FGGY: variants seen among roughly 807,000 people sequenced by gnomAD.
FGGY encodes the protein FGGY carbohydrate kinase domain containing.
In FGGY, 72 loss-of-function variants were observed where a neutral mutation model predicts 71.3. The observed-to-expected ratio is 1.01, with a 90% CI of 0.84 to 1.23. The LOEUF (loss-of-function observed/expected upper bound fraction) is 1.23, where lower values mean the gene tolerates loss of function less well. FGGY is among the 50% of genes most tolerant of loss of function. The pLI is 0.00. For synonymous variants in FGGY, 251 were observed against 250.3 expected (o/e 1.00, Z -0.02); for missense variants, 668 against 682.3 (o/e 0.98, Z 0.23).
chr1:59,597,788 T>A (rs2096538415), intron 8 of FGGY, among the ~76,000 whole-genome samples: 1 of 152,210 alleles, frequency 6.6e-6, no homozygotes, highest in Non-Finnish European at 1.5e-5. Context: ...TTAACGGAAC[T>A]CTAAAGTCTG....
At chr1:59,578,940 G>A (rs372138221) in intron 8 of FGGY, among the ~76,000 whole-genome samples, 4 of 151,944 alleles carry the variant, frequency 2.6e-5, no homozygotes, top group African/African-American at 7.3e-5. Context: ...CTTATATTTC[G>A]CCCTCCTGTT....
intron 12 of FGGY, among the ~76,000 whole-genome samples, chr1:59,661,229 C>T (rs896117806): frequency 6.6e-6 from 1 of 152,190 alleles, no homozygotes; most frequent in African/African-American, 2.4e-5. Context: ...TTCCTTTAAA[C>T]TATATGTATA....
At chr1:59,545,046 C>A (rs983302518) in intron 7 of FGGY, among the ~76,000 whole-genome samples, 34 of 152,192 alleles carry the variant, frequency 2.2e-4, no homozygotes, top group African/African-American at 8.2e-4. Context: ...GCTGGGGCTC[C>A]TTCCTTCTGT....
chr1:59,593,075 G>A (rs1283777205), intron 8 of FGGY, among the ~76,000 whole-genome samples: 1 of 152,354 alleles, frequency 6.6e-6, no homozygotes, highest in African/African-American at 2.4e-5. Flanking sequence ...CTGATCTAGA[G>A]CCCAGTAGCT....
chr1:59,609,346 T>G (rs2096653160), intron 9 of FGGY, among the ~76,000 whole-genome samples: 1 of 152,192 alleles, frequency 6.6e-6, no homozygotes, highest in South Asian at 2.1e-4. Context: ...TAGAAGAGTA[T>G]GTGGACATGT....
intron 5 of FGGY, among the ~76,000 whole-genome samples, chr1:59,406,225 C>CTTTTTTTTTTTTTTTTTTT (rs2062725108): frequency 8.3e-6 from 1 of 119,780 alleles, no homozygotes; most frequent in Admixed American, 8.9e-5. Flanking sequence ...CGCAGAAATG[C>CTTTTTTTTTTTTTTTTTTT]TCAGAGAGGA....
intron 7 of FGGY, among the ~76,000 whole-genome samples, chr1:59,523,578 A>G (rs1025635479): frequency 2.6e-5 from 4 of 152,222 alleles, no homozygotes; most frequent in Non-Finnish European, 5.9e-5. Flanking sequence ...CTCTGTAGCT[A>G]GTATAGATAT....
intron 8 of FGGY, among the ~76,000 whole-genome samples, chr1:59,584,594 C>T (rs1409930185): frequency 1.3e-4 from 20 of 149,948 alleles, no homozygotes; most frequent in Non-Finnish European, 2.4e-4. Flanking sequence ...GAAGCATTCC[C>T]TTTGAAAACT....
chr1:59,560,372 A>T (rs2095766891), intron 8 of FGGY, among the ~76,000 whole-genome samples: 1 of 145,868 alleles, frequency 6.9e-6, no homozygotes, highest in South Asian at 2.2e-4. Flanking sequence ...GTAATATGGT[A>T]TCCTGGATGG....
At chr1:59,582,307 T>A (rs1157097898) in intron 8 of FGGY, among the ~76,000 whole-genome samples, 4 of 149,998 alleles carry the variant, frequency 2.7e-5, no homozygotes, top group Non-Finnish European at 5.9e-5. Flanking sequence ...AAAAATTGAG[T>A]CCCAGAAGGG....
intron 7 of FGGY, among the ~76,000 whole-genome samples, chr1:59,538,389 G>T (rs2095373196): frequency 6.6e-6 from 1 of 151,974 alleles, no homozygotes; most frequent in Non-Finnish European, 1.5e-5. Context: ...CTTTTACACT[G>T]TTGGTGGGAC....
chr1:59,673,377 G>T (rs1368189723), intron 13 of FGGY, among the ~76,000 whole-genome samples: 1 of 152,006 alleles, frequency 6.6e-6, no homozygotes, highest in Non-Finnish European at 1.5e-5. Context: ...ATGGGTAAGG[G>T]CCCCGAGGCA....
intron 14 of FGGY, among the ~76,000 whole-genome samples, chr1:59,753,570 T>C (rs1317414693): frequency 7.0e-6 from 1 of 143,598 alleles, no homozygotes; most frequent in Non-Finnish European, 1.5e-5. Flanking sequence ...GTAGAAAATT[T>C]AGAAAACACA....
At chr1:59,397,801 G>A (rs528713812) in intron 5 of FGGY, among the ~76,000 whole-genome samples, 2 of 152,166 alleles carry the variant, frequency 1.3e-5, no homozygotes, top group Non-Finnish European at 2.9e-5. Context: ...CCTTGCCTTT[G>A]CTCATTCACA....
At chr1:59,696,250 T>A (rs1328549156) in intron 14 of FGGY, among the ~76,000 whole-genome samples, 1 of 152,244 alleles carries the variant, frequency 6.6e-6, no homozygotes. Context: ...ACGTCCTGGT[T>A]TATAGACACC....
At chr1:59,629,269 A>G (rs1376098452) in intron 10 of FGGY, among the ~76,000 whole-genome samples, 1 of 152,216 alleles carries the variant, frequency 6.6e-6, no homozygotes, top group Non-Finnish European at 1.5e-5. Flanking sequence ...TATATTAGAC[A>G]TTTCCATTCT....
intron 11 of FGGY, among the ~76,000 whole-genome samples, chr1:59,658,553 A>G (rs1303890690): frequency 6.6e-6 from 1 of 152,232 alleles, no homozygotes; most frequent in Non-Finnish European, 1.5e-5. Flanking sequence ...AGCATAGGAT[A>G]CAGAGTGAGG....
intron 8 of FGGY, among the ~76,000 whole-genome samples, chr1:59,591,385 G>C (rs373399567): frequency 6.6e-6 from 1 of 152,082 alleles, no homozygotes; most frequent in Non-Finnish European, 1.5e-5. Context: ...TATAGATTCA[G>C]TGCCATCCCC....
chr1:59,425,108 C>T (rs1031022531), intron 5 of FGGY, among the ~76,000 whole-genome samples: 3 of 152,012 alleles, frequency 2.0e-5, no homozygotes, highest in African/African-American at 7.3e-5. Context: ...GCTTGTGAGC[C>T]GTAAAAGCGA....
Sources: allele counts gnomAD v4.1 joint callset (sites outside exome capture counted in the v4.1 genomes callset), GRCh38; gene constraint gnomAD v4.1.1; transcripts MANE v1.5; gene names NCBI Gene and HGNC (gene_info 2026-07-23, HGNC 2026-07-21).